PARVA: variants seen among roughly 807,000 people sequenced by gnomAD.
PARVA encodes parvin alpha, also known as alpha-parvin.
PARVA carries 25 observed loss-of-function variants against 52.6 expected under a neutral mutation model. That is an observed-to-expected ratio of 0.48 (90% confidence interval 0.35 to 0.66). The LOEUF is 0.66. PARVA is among the 30% of genes least tolerant of loss of function. The probability of loss-of-function intolerance (pLI) is 0.01; values close to 1 mark genes in which losing one functional copy is unlikely to be tolerated. For synonymous variants in PARVA, 185 were observed against 179.1 expected, an observed-to-expected ratio of 1.03 and a Z score of -0.26; for missense variants, 373 against 450.9, an observed-to-expected ratio of 0.83 and a Z score of 1.56.
intron 1 of PARVA, among the ~76,000 whole-genome samples, chr11:12,380,516 A>C (rs892975895): frequency 6.6e-6 from 1 of 150,950 alleles, no homozygotes; most frequent in Non-Finnish European, 1.5e-5. Context: ...CCCGTGCATC[A>C]CCTACTGGTG....
chr11:12,406,187 C>T (rs781572806), intron 1 of PARVA, among the ~76,000 whole-genome samples: 8 of 152,184 alleles, frequency 5.3e-5, no homozygotes, highest in Non-Finnish European at 7.4e-5. Context: ...AGTCCAAAAT[C>T]CATAAGCAAC....
At chr11:12,509,860 G>T (rs1205024886) in intron 7 of PARVA, among the ~76,000 whole-genome samples, 1 of 152,102 alleles carries the variant, frequency 6.6e-6, no homozygotes, top group Non-Finnish European at 1.5e-5. Context: ...ATTCCTCACT[G>T]TCCCACCGCC....
intron 1 of PARVA, among the ~76,000 whole-genome samples, chr11:12,415,485 C>G (rs1387265562): frequency 6.6e-6 from 1 of 150,704 alleles, no homozygotes; most frequent in Non-Finnish European, 1.5e-5. Context: ...AACCAGGCAG[C>G]ACTCCCTGAT....
chr11:12,477,118 TAG>T (rs1941025338), intron 3 of PARVA: 1 of 151,874 alleles, frequency 6.6e-6, no homozygotes, highest in East Asian at 1.9e-4. Flanking sequence ...TTTTTTTAGA[TAG>T]AGTCTCACTC....
intron 1 of PARVA, among the ~76,000 whole-genome samples, chr11:12,469,739 A>G (rs987164344): frequency 2.0e-5 from 3 of 152,222 alleles, no homozygotes; most frequent in Non-Finnish European, 4.4e-5. Flanking sequence ...TCCTGAAAAA[A>G]ACATTTCCAA....
At chr11:12,378,468 C>T (rs1245908561) in intron 1 of PARVA, among the ~76,000 whole-genome samples, 1 of 152,076 alleles carries the variant, frequency 6.6e-6, no homozygotes, top group Non-Finnish European at 1.5e-5. Flanking sequence ...AGAAAACCTG[C>T]GTGAGACACA....
chr11:12,386,322 T>C (rs1002604237), intron 1 of PARVA, among the ~76,000 whole-genome samples: 2 of 152,232 alleles, frequency 1.3e-5, no homozygotes, highest in East Asian at 3.8e-4. Context: ...TGTCATTTTC[T>C]TTCACATGTT....
At chr11:12,410,349 C>T (rs1003811363) in intron 1 of PARVA, among the ~76,000 whole-genome samples, 8 of 152,252 alleles carry the variant, frequency 5.3e-5, no homozygotes, top group Non-Finnish European at 1.5e-5. Context: ...GAAGCATTCC[C>T]TCCAAGGTCT....
rs1239105011 is a variant in PARVA at position 12,533,251 on chromosome 11, C to T, written c.*5326C>T. Among the ~76,000 whole-genome samples, 5 of 152,204 alleles carry T rather than the reference C, an allele frequency of 3.3e-5. No homozygotes were observed. The highest frequency in any genetic ancestry group is 7.3e-5 in the Non-Finnish European group (5 of 68,046). On this transcript the variant is annotated 3_prime_UTR_variant, in exon 13 of 13. Coordinates refer to ENST00000334956, the MANE Select transcript of PARVA (RefSeq NM_018222.5). ...AAATAAGGGGCCTACCAGGCCAGAACGCTGATCCATGGAGACCAGTGCTTC... is the reference window on the plus strand; with the variant it reads ...AAATAAGGGGCCTACCAGGCCAGAATGCTGATCCATGGAGACCAGTGCTTC...
intron 1 of PARVA, among the ~76,000 whole-genome samples, chr11:12,378,698 G>A (rs1939443050): frequency 1.3e-5 from 2 of 151,412 alleles, no homozygotes; most frequent in South Asian, 4.2e-4. Flanking sequence ...GCACTGTGGT[G>A]ACTGGTGTGT....
At chr11:12,377,851 G>C (rs893712030) in intron 1 of PARVA, 68 bp downstream of exon 1, 1 of 1,269,366 alleles carries the variant, frequency 7.9e-7, no homozygotes, top group Non-Finnish European at 1.0e-6. Flanking sequence ...GAGGGGCCGG[G>C]GCACTGGGAC....
chr11:12,379,381 A>G (rs1007519329), intron 1 of PARVA, among the ~76,000 whole-genome samples: 5 of 152,180 alleles, frequency 3.3e-5, no homozygotes, highest in African/African-American at 1.2e-4. Context: ...CATGCCTCGG[A>G]CAAAATCACT....
At chr11:12,448,854 G>T (rs759299424) in intron 1 of PARVA, among the ~76,000 whole-genome samples, 2 of 152,150 alleles carry the variant, frequency 1.3e-5, no homozygotes, top group Non-Finnish European at 2.9e-5. Context: ...AGCAGACGTT[G>T]CTCCAATGTT....
intron 9 of PARVA, chr11:12,513,654 A>T: frequency 1.6e-6 from 1 of 608,358 alleles, no homozygotes; most frequent in Non-Finnish European, 3.0e-6. Flanking sequence ...TGGCCTAGGC[A>T]CCTGTGCCGA....
chr11:12,475,496 ATATAGCAGG>A (rs548232424), intron 3 of PARVA, among the ~76,000 whole-genome samples: 6 of 152,172 alleles, frequency 3.9e-5, no homozygotes, highest in Non-Finnish European at 8.8e-5. Context: ...AGAATGTCAC[ATATAGCAGG>A]TATTTAATAA....
intron 7 of PARVA, among the ~76,000 whole-genome samples, chr11:12,511,294 G>T (rs906993295): frequency 6.6e-6 from 1 of 152,152 alleles, no homozygotes; most frequent in Admixed American, 6.5e-5. Flanking sequence ...TGTAACTGGG[G>T]GGAAAATGGG....
At chr11:12,378,115 G>A (rs1408221727) in intron 1 of PARVA, among the ~76,000 whole-genome samples, 6 of 151,590 alleles carry the variant, frequency 4.0e-5, no homozygotes, top group African/African-American at 9.7e-5. Context: ...GAGCCCAGGC[G>A]GGGCCCCAGC....
At chr11:12,423,161 T>C (rs1309986495) in intron 1 of PARVA, among the ~76,000 whole-genome samples, 2 of 151,784 alleles carry the variant, frequency 1.3e-5, no homozygotes, top group South Asian at 2.1e-4. Context: ...GCCAGATGTT[T>C]TGTTACTTTT....
At chr11:12,416,741 AGAAG>A (rs1324562115) in intron 1 of PARVA, among the ~76,000 whole-genome samples, 1 of 150,588 alleles carries the variant, frequency 6.6e-6, no homozygotes, top group Non-Finnish European at 1.5e-5. Flanking sequence ...GAGGAGGCAG[AGAAG>A]GAAGGAAGAA....
Sources: gnomAD v4.1 joint callset for allele counts (sites outside exome capture counted in the v4.1 genomes callset) on GRCh38, gnomAD v4.1.1 for gene constraint, MANE v1.5 for transcripts, NCBI Gene and HGNC (gene_info 2026-07-23, HGNC 2026-07-21) for gene names.